Variants in EIF2B1 observed in about 807,000 individuals in gnomAD.
The protein encoded by EIF2B1 is translation initiation factor eIF2B subunit alpha.
In EIF2B1, 30 loss-of-function variants were observed where a neutral mutation model predicts 36.8. The observed-to-expected ratio is 0.81, with a 90% CI of 0.61 to 1.10. EIF2B1 has a LOEUF of 1.10. Among genes scored for constraint, EIF2B1 ranks in the 50% least tolerant of loss-of-function variants. The pLI, the probability that EIF2B1 is intolerant of heterozygous loss-of-function variation, is 0.00. For synonymous variants in EIF2B1, 139 were observed against 142.2 expected (o/e 0.98, Z 0.16); for missense variants, 271 against 374.8 (o/e 0.72, Z 2.29).
chr12:123,632,279 AAAAAAAG>A (rs1955197767), intron 2 of EIF2B1, 59 bp downstream of exon 2: 8 of 1,109,572 alleles, frequency 7.2e-6, no homozygotes, highest in South Asian at 1.3e-5. Flanking sequence ...TTAAAAAAAA[AAAAAAAG>A]AAAAGAAAAA....
chr12:123,627,240 A>G (rs1955156184), intron 4 of EIF2B1, 84 bp from the exon 5 acceptor site: 1 of 1,010,990 alleles, frequency 9.9e-7, no homozygotes. Flanking sequence ...TGTTCCCGAC[A>G]CCCTAAGCAT....
intron 1 of EIF2B1, 56 bp from the exon 2 acceptor site, chr12:123,632,502 G>GA (rs1377247687): frequency 5.0e-6 from 6 of 1,196,056 alleles, no homozygotes; most frequent in African/African-American, 3.0e-5. Flanking sequence ...TATAAGGCAA[G>GA]AGAGCTTGTT....
intron 4 of EIF2B1, among the ~76,000 whole-genome samples, chr12:123,628,044 TTAGACA>T (rs1273333861): frequency 1.3e-5 from 2 of 152,152 alleles, no homozygotes; most frequent in Admixed American, 6.6e-5. Context: ...GTGTAGACAC[TTAGACA>T]TAATCTGTTT....
intron 7 of EIF2B1, 58 bp from the exon 8 acceptor site, chr12:123,622,819 C>T: frequency 1.2e-6 from 2 of 1,608,352 alleles, no homozygotes; most frequent in Non-Finnish European, 1.7e-6. Flanking sequence ...GTAGAAGCCA[C>T]AGAAAAGCGG....
In EIF2B1 at chr12:123,633,534, T is replaced by C. The variant is rs372595051; in HGVS notation, c.13+11A>G. ...GCTGTAGCCTAGCAGCCCTGGCCTG[T>C]CTTGATTTACCCTTGTCGTCCATGG... On this transcript the variant is annotated intron_variant, in intron 1 of 8. Coordinates refer to ENST00000424014, the MANE Select transcript of EIF2B1 (RefSeq NM_001414.4). 8 of 1,613,700 alleles carry C rather than the reference T, an allele frequency of 5.0e-6. No homozygotes were observed. Among genetic ancestry groups the C allele is most frequent in the African/African-American group, 1.3e-5 (1 of 75,024 alleles).
rs751315607 is a variant in EIF2B1 at position 123,630,448 on chromosome 12, A to G, written c.201T>C (p.Ser67=). The change falls in exon 3 of 9, where the codon TCT becomes TCC. Residue 67 remains serine (S), a synonymous_variant. Coordinates refer to ENST00000424014, the MANE Select transcript of EIF2B1 (RefSeq NM_001414.4). The surrounding 1 kb of genome is among the most constrained non-coding windows in gnomAD (Gnocchi z 4.6). ...TGAAGCGGAGGAAGAGCTCCCCGCC[A>G]GAGGACACTGCCACAGAGGAGTCCA... ...CGVDSSVAVS[S]GGELFLRFIS... 120 of 1,614,036 alleles carry G rather than the reference A, an allele frequency of 7.4e-5. 1 individual carries two copies. The highest frequency in any genetic ancestry group is 1.0e-4 in the Non-Finnish European group (120 of 1,180,030).
intron 2 of EIF2B1, among the ~76,000 whole-genome samples, chr12:123,631,759 A>T (rs969180106): frequency 6.6e-6 from 1 of 151,684 alleles, no homozygotes; most frequent in Non-Finnish European, 1.5e-5. Flanking sequence ...GTGAGCCAAG[A>T]TGGCACCACT....
rs748471331 is a variant in EIF2B1 at position 123,621,713 on chromosome 12, C to T, written c.*43G>A. The T allele has an allele frequency of 6.8e-6, 11 of 1,612,278 alleles. No homozygotes were observed. In the African/African-American group the frequency reaches 1.5e-4, roughly 22 times the overall value. On this transcript the variant is annotated 3_prime_UTR_variant, in exon 9 of 9. Transcript: ENST00000424014. ...GGTGTCAAGCAGCTACTCACCCTGCCTCAACTACGTAAGCTGCACCTTGGC... is the reference window on the plus strand; with the variant it reads ...GGTGTCAAGCAGCTACTCACCCTGCTTCAACTACGTAAGCTGCACCTTGGC...
rs1377340661 is a variant in EIF2B1, at chr12:123,632,423, G to A, written c.37C>T (p.Gln13Ter). 6.2e-7 allele frequency: 1 copy of A among 1,613,148 alleles called. No homozygotes were observed. The highest frequency in any genetic ancestry group is 8.5e-7 in the Non-Finnish European group (1 of 1,179,606). ...GCCATGTCAGGATCTTCTTTCATCT[G>A]AGACTTAAAGTATTCAATTAACTCT... ...DKELIEYFKS[Q>*]MKEDPDMASA... is the part of the protein sequence containing the mutation. The change falls in exon 2 of 9, where the codon CAG (glutamine) becomes TAG (stop). Residue 13 changes from glutamine to a stop codon, truncating the protein, a stop_gained. Transcript: ENST00000424014. LOFTEE classifies it high-confidence loss of function.
intron 4 of EIF2B1, among the ~76,000 whole-genome samples, chr12:123,628,595 C>T (rs1955165852): frequency 6.6e-6 from 1 of 152,066 alleles, no homozygotes; most frequent in Non-Finnish European, 1.5e-5. Flanking sequence ...AACTCCTGGA[C>T]TCAAGCAATC....
At chr12:123,631,635 C>T (rs1955188762) in intron 2 of EIF2B1, among the ~76,000 whole-genome samples, 1 of 152,044 alleles carries the variant, frequency 6.6e-6, no homozygotes, top group South Asian at 2.1e-4. Context: ...AGTGAAACCC[C>T]GTCTCTACTA....
intron 6 of EIF2B1, 120 bp downstream of exon 6, chr12:123,626,305 G>A: frequency 1.7e-6 from 2 of 1,183,666 alleles, no homozygotes; most frequent in African/African-American, 3.0e-5. Context: ...TATTAATTAA[G>A]AAGTAGGACG....
In EIF2B1 at chr12:123,630,559, A is replaced by T. The variant is rs1316365178; in HGVS notation, c.116-26T>A. On this transcript the variant is annotated intron_variant, in intron 2 of 8. Transcript: ENST00000424014. The surrounding 1 kb of genome is among the most constrained non-coding windows in gnomAD (Gnocchi z 4.6). ...CTGGAATGATCCAACAAGGAATGTG[A>T]TGTTCACATTAGGGCCACAGCCCCG... The T allele has an allele frequency of 7.5e-6, 12 of 1,609,716 alleles. No homozygotes were observed. The highest frequency in any genetic ancestry group is 1.0e-5 in the Non-Finnish European group (12 of 1,179,842).
In EIF2B1 at chr12:123,630,396, C is replaced by T. The variant is rs113994006; in HGVS notation, c.252+1G>A. ...TAACCCCAGGGAGAACAGGCACTTA[C>T]GGAGTATTCCAGGGAGGCAAGACTG... On this transcript the variant is annotated splice_donor_variant, in intron 3 of 8. Transcript: ENST00000424014. LOFTEE classifies it high-confidence loss of function. This position sits in a 1 kb window ranked among gnomAD's most constrained non-coding sequence, Gnocchi z 4.6. 270 of 1,614,160 alleles carry T rather than the reference C, an allele frequency of 1.7e-4. No individual in the cohort carries two copies. Among genetic ancestry groups the T allele is most frequent in the Non-Finnish European group, 2.2e-4 (258 of 1,180,026 alleles).
At chr12:123,626,186 T>G in intron 6 of EIF2B1, 1 of 550,678 alleles carries the variant, frequency 1.8e-6, no homozygotes, top group Non-Finnish European at 3.3e-6. Context: ...ACTCAACACT[T>G]ACAGCCATAA....
At chr12:123,628,351 C>CTTTTTTTTT (rs958119194) in intron 4 of EIF2B1, among the ~76,000 whole-genome samples, 4 of 74,978 alleles carry the variant, frequency 5.3e-5, no homozygotes, top group Admixed American at 1.5e-4. Flanking sequence ...CCCATAACCT[C>CTTTTTTTTT]TTTTTTTTTT....
At position 123,629,847 on chromosome 12, in the gene EIF2B1, T is replaced by C. The variant is rs889452103; in HGVS notation, c.369+322A>G. Among the ~76,000 whole-genome samples the C allele has an allele frequency of 9.2e-5, 14 of 152,304 alleles. No individual in the cohort carries two copies. The East Asian group carries it at 2.5e-3, about 27-fold the overall frequency. On this transcript the variant is annotated intron_variant, in intron 4 of 8. Transcript: ENST00000424014. ...TCAAGAATCACACGTGCTGTCCCAC[T>C]GTCCCTCTCTGCCTGTTTACAATGA...
chr12:123,632,516 G>A, intron 1 of EIF2B1, 70 bp from the exon 2 acceptor site: 1 of 1,036,958 alleles, frequency 9.6e-7, no homozygotes, highest in Non-Finnish European at 1.5e-6. Flanking sequence ...GCTTGTTAAT[G>A]ACTGTTGACT....
At chr12:123,624,720 G>C (rs1445516646) in intron 7 of EIF2B1, 67 bp downstream of exon 7, 7 of 1,300,896 alleles carry the variant, frequency 5.4e-6, no homozygotes, top group South Asian at 2.4e-5. Context: ...ACACTGCTGT[G>C]GTGTCCTAGG....
Sources: allele counts gnomAD v4.1 joint callset (sites outside exome capture counted in the v4.1 genomes callset), GRCh38; gene constraint gnomAD v4.1.1; non-coding constraint Gnocchi (gnomAD v3.1); transcripts MANE v1.5; gene names NCBI Gene and HGNC (gene_info 2026-07-23, HGNC 2026-07-21).